The following C12orf56 variants were observed in gnomAD, a reference collection of about 807,000 sequenced individuals.
The protein encoded by C12orf56 is chromosome 12 open reading frame 56.
A neutral mutation model predicts 69.9 loss-of-function variants in C12orf56; 71 were observed. The ratio of observed to expected loss-of-function variants is 1.02; its 90% CI spans 0.84 to 1.24. C12orf56 has a LOEUF of 1.24. Among genes scored for constraint, C12orf56 ranks in the 50% most tolerant of loss-of-function variants. C12orf56 has a pLI of 0.00. For missense variants in C12orf56, 732 were observed against 738.5 expected (o/e 0.99, Z 0.10); for synonymous variants, 276 against 274.1 (o/e 1.01, Z -0.07).
intron 6 of C12orf56, among the ~76,000 whole-genome samples, chr12:64,297,029 A>C (rs1357652654): frequency 6.6e-6 from 1 of 152,010 alleles, no homozygotes; most frequent in Non-Finnish European, 1.5e-5. Context: ...AGTTTGTGAT[A>C]CTCTGTTATA....
intron 3 of C12orf56, among the ~76,000 whole-genome samples, chr12:64,319,379 A>T (rs2038739076): frequency 6.6e-6 from 1 of 152,040 alleles, no homozygotes; most frequent in Non-Finnish European, 1.5e-5. Flanking sequence ...TCAAATAAGG[A>T]TATGAAGAGA....
chr12:64,314,331 G>T (rs1433784936), intron 4 of C12orf56, among the ~76,000 whole-genome samples: 1 of 151,988 alleles, frequency 6.6e-6, no homozygotes, highest in Non-Finnish European at 1.5e-5. Flanking sequence ...GGCCTCAAGC[G>T]ATCCTCCCCT....
At position 64,369,974 on chromosome 12, in the gene C12orf56, C is replaced by G. The variant is rs2039548493; in HGVS notation, c.253-16918G>C. On this transcript the variant is annotated intron_variant, in intron 1 of 12. Coordinates refer to ENST00000543942, the MANE Select transcript of C12orf56 (RefSeq NM_001170633.2). ...CTCCAGCCTGGGAGATAGCACAAGACTCTGTCTCAAAAAAAAAAAAAAAAA... is the reference window on the plus strand; with the variant it reads ...CTCCAGCCTGGGAGATAGCACAAGAGTCTGTCTCAAAAAAAAAAAAAAAAA... Among the ~76,000 whole-genome samples the G allele has an allele frequency of 2.1e-5, 3 of 142,400 alleles. No homozygotes were observed. The South Asian group carries it at 6.7e-4, about 32-fold the overall frequency. The allele number at this position is 142,400 out of a possible 152,430, so 93.4% of individuals were successfully genotyped here.
intron 1 of C12orf56, among the ~76,000 whole-genome samples, chr12:64,361,175 C>T (rs1443487602): frequency 1.3e-5 from 2 of 152,030 alleles, no homozygotes; most frequent in African/African-American, 2.4e-5. Context: ...ACTGAGATTG[C>T]GCCACTGCAC....
At position 64,264,907 on chromosome 12, in the gene C12orf56, C is replaced by G. The variant is rs906828997; in HGVS notation, c.*2276G>C. The G allele has an allele frequency of 2.0e-5, 3 of 152,086 alleles. No individual in the cohort carries two copies. Among genetic ancestry groups the G allele is most frequent in the Non-Finnish European group, 4.4e-5 (3 of 68,028 alleles). The allele number at this position is 152,086 out of a possible 1,614,324, so 9.4% of individuals were successfully genotyped here. A position where few individuals can be genotyped will look rare whatever the true frequency, so the allele number is the denominator to read the frequency against. On this transcript the variant is annotated 3_prime_UTR_variant, in exon 13 of 13. Transcript: ENST00000543942. ...CTCCAAAAAACCACTGACTTTAGCC[C>G]CACATAAAAAGATTCAGATATATTT... is the stretch of plus-strand genomic sequence containing the variant.
intron 1 of C12orf56, among the ~76,000 whole-genome samples, chr12:64,363,761 G>A (rs1002356444): frequency 1.3e-5 from 2 of 152,080 alleles, no homozygotes; most frequent in Non-Finnish European, 1.5e-5. Context: ...ATCATGATGC[G>A]GTCGTCCTTT....
chr12:64,310,162 C>A (rs78395585), intron 5 of C12orf56, among the ~76,000 whole-genome samples: 1 of 152,122 alleles, frequency 6.6e-6, no homozygotes, highest in African/African-American at 2.4e-5. Flanking sequence ...GGACCACAGG[C>A]ACACCTGGCA....
intron 5 of C12orf56, among the ~76,000 whole-genome samples, chr12:64,308,566 T>C (rs1334769881): frequency 1.3e-5 from 2 of 149,110 alleles, no homozygotes; most frequent in African/African-American, 4.9e-5. Flanking sequence ...TGTACCCAGC[T>C]GGGCGGTGGC....
intron 1 of C12orf56, among the ~76,000 whole-genome samples, chr12:64,385,138 T>C (rs970914681): frequency 1.9e-4 from 29 of 152,146 alleles, no homozygotes; most frequent in African/African-American, 7.0e-4. Flanking sequence ...AGAGAACTCT[T>C]TCAAAAGTAA....
intron 1 of C12orf56, among the ~76,000 whole-genome samples, chr12:64,379,519 C>G (rs1025404802): frequency 6.6e-6 from 1 of 151,830 alleles, no homozygotes; most frequent in Non-Finnish European, 1.5e-5. Context: ...ATCTCCTGAC[C>G]TTGTGATCCG....
chr12:64,271,425 C>T (rs2136742693), intron 11 of C12orf56, among the ~76,000 whole-genome samples: 1 of 152,338 alleles, frequency 6.6e-6, no homozygotes, highest in Non-Finnish European at 1.5e-5. Context: ...GATCGCACCA[C>T]TGCACTCCAG....
chr12:64,294,467 A>G (rs781438749), intron 6 of C12orf56, among the ~76,000 whole-genome samples: 5 of 152,244 alleles, frequency 3.3e-5, no homozygotes, highest in Non-Finnish European at 7.3e-5. Flanking sequence ...AAAATGTGGT[A>G]TATACATACA....
At chr12:64,338,323 G>A (rs1031466573) in intron 2 of C12orf56, 6 of 552,862 alleles carry the variant, frequency 1.1e-5, no homozygotes, top group African/African-American at 9.6e-5. Flanking sequence ...CACCAGCTAT[G>A]TCCTCTGGCA....
chr12:64,323,954 G>A (rs780937540), intron 3 of C12orf56, among the ~76,000 whole-genome samples: 17 of 152,158 alleles, frequency 1.1e-4, no homozygotes, highest in Non-Finnish European at 2.2e-4. Flanking sequence ...TCCTAGAACT[G>A]CCCCTCCTTC....
Position 64,350,189 on chromosome 12 carries a change from C to G in C12orf56, c.415+2705G>C, listed in dbSNP as rs142618992. Among the ~76,000 whole-genome samples the G allele has an allele frequency of 5.3e-3, 798 of 151,696 alleles. 8 individuals are homozygous for G. The highest frequency in any genetic ancestry group is 0.018 in the African/African-American group (761 of 41,304). Reference sequence around the variant, plus strand: ...GGAATAAAAGACTACAAATTGGATGCAGTGTATACTGCTTGGGTGATGGGT... The same window carrying G: ...GGAATAAAAGACTACAAATTGGATGGAGTGTATACTGCTTGGGTGATGGGT... On this transcript the variant is annotated intron_variant, in intron 2 of 12. Coordinates refer to ENST00000543942, the MANE Select transcript of C12orf56 (RefSeq NM_001170633.2).
intron 9 of C12orf56, among the ~76,000 whole-genome samples, 193 bp from the exon 10 acceptor site, chr12:64,275,565 C>T (rs1261636491): frequency 6.6e-6 from 1 of 152,126 alleles, no homozygotes; most frequent in Non-Finnish European, 1.5e-5. Context: ...GGGCACAAGC[C>T]ATTCCTCTCA....
At chr12:64,353,087 G>A in intron 1 of C12orf56, 31 bp from the exon 2 acceptor site, 1 of 1,600,366 alleles carries the variant, frequency 6.2e-7, no homozygotes, top group Non-Finnish European at 8.5e-7. Context: ...CCTCATTGAA[G>A]ACAAATACAA....
chr12:64,384,661 A>G (rs1257539840), intron 1 of C12orf56, among the ~76,000 whole-genome samples: 1 of 152,150 alleles, frequency 6.6e-6, no homozygotes, highest in Non-Finnish European at 1.5e-5. Context: ...GGGCTGCTGG[A>G]GTTGACAGAT....
chr12:64,280,214 C>T (rs2038103797), intron 8 of C12orf56, among the ~76,000 whole-genome samples: 1 of 152,092 alleles, frequency 6.6e-6, no homozygotes, highest in Non-Finnish European at 1.5e-5. Context: ...AATTTAAAAT[C>T]CACTAGGACA....
Sources: gnomAD v4.1 joint callset for allele counts (sites outside exome capture counted in the v4.1 genomes callset) on GRCh38, gnomAD v4.1.1 for gene constraint, MANE v1.5 for transcripts, NCBI Gene and HGNC (gene_info 2026-07-23, HGNC 2026-07-21) for gene names.